ARMH1: variants seen among roughly 807,000 people sequenced by gnomAD.
The protein encoded by ARMH1 is armadillo-like helical domain containing protein 1.
A neutral mutation model predicts 50.2 loss-of-function variants in ARMH1; 34 were observed. That is an observed-to-expected ratio of 0.68 (90% CI 0.51 to 0.90). The LOEUF (loss-of-function observed/expected upper bound fraction) is 0.90, where lower values mean the gene tolerates loss of function less well. Ranked by LOEUF, ARMH1 falls within the 40% of genes least tolerant of loss-of-function variation. The probability of loss-of-function intolerance (pLI) is 0.00; values close to 1 mark genes in which losing one functional copy is unlikely to be tolerated. For synonymous variants in ARMH1, 221 were observed against 224.2 expected (o/e 0.99, Z 0.13); for missense variants, 538 against 553.9 (o/e 0.97, Z 0.29).
intron 1 of ARMH1, among the ~76,000 whole-genome samples, chr1:44,689,475 G>T (rs984776757): frequency 1.1e-4 from 16 of 152,156 alleles, no homozygotes; most frequent in African/African-American, 3.9e-4. Context: ...TTAGCACACT[G>T]ATATTCTTAA....
At chr1:44,709,516 C>T (rs1203570689) in intron 6 of ARMH1, among the ~76,000 whole-genome samples, 1 of 151,972 alleles carries the variant, frequency 6.6e-6, no homozygotes, top group African/African-American at 2.4e-5. Flanking sequence ...ACTAAAAATA[C>T]AAAAAATTAG....
intron 1 of ARMH1, among the ~76,000 whole-genome samples, chr1:44,685,829 T>C (rs1476093064): frequency 6.6e-6 from 1 of 152,098 alleles, no homozygotes; most frequent in African/African-American, 2.4e-5. Context: ...GGTTTCACCA[T>C]GTTGGCCAGG....
chr1:44,725,193 G>GTTA lies in ARMH1; in HGVS notation c.1186_1187insTTA (p.Ala396delinsValThr). 1 of 1,552,022 alleles carries GTTA rather than the reference G, an allele frequency of 6.4e-7. No homozygotes were observed. The highest frequency in any genetic ancestry group is 8.7e-7 in the Non-Finnish European group (1 of 1,147,044). The stretch of plus-strand genomic sequence containing the variant: ...CAGCATTCAGGCGGACATCTTGGCG[G>GTTA]CCAACACAGTCAATGTTACCAAAGG... On this transcript the variant is annotated protein_altering_variant, in exon 11 of 12. Coordinates refer to ENST00000535358, the MANE Select transcript of ARMH1 (RefSeq NM_001145636.2).
At chr1:44,697,217 G>A (rs769815915) in intron 3 of ARMH1, 47 bp downstream of exon 3, 15 of 1,431,736 alleles carry the variant, frequency 1.0e-5, no homozygotes, top group African/African-American at 1.4e-5. Context: ...TGGCATCTCA[G>A]GCTCATGATG....
chr1:44,721,742 T>A (rs540935659), intron 6 of ARMH1: 1 of 151,986 alleles, frequency 6.6e-6, no homozygotes, highest in African/African-American at 2.4e-5. Context: ...TCCCAAAGCA[T>A]GAAACACCCC....
chr1:44,723,763 T>C (rs1647765086), intron 6 of ARMH1: 1 of 206,888 alleles, frequency 4.8e-6, no homozygotes, highest in Non-Finnish European at 9.6e-6. Flanking sequence ...TCTGTCTCCC[T>C]CTCACCCCTT....
At chr1:44,686,201 A>G (rs1449063490) in intron 1 of ARMH1, among the ~76,000 whole-genome samples, 1 of 152,234 alleles carries the variant, frequency 6.6e-6, no homozygotes, top group African/African-American at 2.4e-5. Context: ...TTAATCAGTT[A>G]CAGATTGAAC....
chr1:44,706,173 T>G (rs550666921), intron 6 of ARMH1, among the ~76,000 whole-genome samples: 2 of 152,328 alleles, frequency 1.3e-5, no homozygotes, highest in Admixed American at 6.5e-5. Context: ...GGTGGTGCTA[T>G]GCCAGGTGGG....
Position 44,725,510 on chromosome 1 carries a change from G to A in ARMH1, c.*107G>A. The stretch of plus-strand genomic sequence containing the variant: ...GAGCCACTCCACTTGGCTCCAGGGG[G>A]GAGACGGGGATTAGGCATCCCAGAG... On this transcript the variant is annotated 3_prime_UTR_variant, in exon 12 of 12. Transcript: ENST00000535358. The A allele has an allele frequency of 8.8e-7, 1 of 1,131,820 alleles. No individual in the cohort carries two copies. The highest frequency in any genetic ancestry group is 1.4e-5 in the South Asian group (1 of 71,268). 70.1% of individuals were successfully genotyped at this position (1,131,820 alleles called of 1,614,324 possible).
At chr1:44,706,971 C>T (rs576287239) in intron 6 of ARMH1, among the ~76,000 whole-genome samples, 10 of 152,154 alleles carry the variant, frequency 6.6e-5, no homozygotes, top group Non-Finnish European at 1.0e-4. Context: ...TTGCCCACTC[C>T]TCCTCATCCG....
chr1:44,680,575 A>C (rs922909132), intron 1 of ARMH1, among the ~76,000 whole-genome samples: 1 of 152,220 alleles, frequency 6.6e-6, no homozygotes, highest in African/African-American at 2.4e-5. Flanking sequence ...AGCAAGTAGG[A>C]AGGGTAGAAG....
At chr1:44,698,279 T>C (rs1243332340) in intron 4 of ARMH1, 50 bp downstream of exon 4, 1 of 1,476,046 alleles carries the variant, frequency 6.8e-7, no homozygotes, top group African/African-American at 1.4e-5. Flanking sequence ...CTGAATGACA[T>C]GGTGGCAGAA....
At chr1:44,678,896 GC>G (rs1476141661) in intron 1 of ARMH1, among the ~76,000 whole-genome samples, 1 of 152,206 alleles carries the variant, frequency 6.6e-6, no homozygotes, top group African/African-American at 2.4e-5. Context: ...AGGACCTTTG[GC>G]TTAGCATGAG....
chr1:44,700,451 A>G (rs1163417596), intron 4 of ARMH1, among the ~76,000 whole-genome samples: 1 of 151,992 alleles, frequency 6.6e-6, no homozygotes, highest in Non-Finnish European at 1.5e-5. Flanking sequence ...CCCTGTCTCT[A>G]TTAAAAATAC....
intron 6 of ARMH1, among the ~76,000 whole-genome samples, chr1:44,706,771 G>A (rs1216902576): frequency 1.3e-5 from 2 of 152,162 alleles, no homozygotes; most frequent in African/African-American, 2.4e-5. Context: ...GGAGTTGCCA[G>A]TGAAGGGGTA....
intron 1 of ARMH1, among the ~76,000 whole-genome samples, chr1:44,679,494 A>C (rs148449015): frequency 3.3e-5 from 5 of 152,362 alleles, no homozygotes; most frequent in Admixed American, 2.6e-4. Flanking sequence ...TTTCAAAAAA[A>C]ATTTCTCCCC....
intron 3 of ARMH1, 54 bp from the exon 4 acceptor site, chr1:44,698,009 G>C (rs752260151): frequency 2.4e-5 from 34 of 1,446,214 alleles, no homozygotes; most frequent in Non-Finnish European, 3.2e-5. Context: ...TGAAAGCTCA[G>C]TGCAAAGGAA....
chr1:44,722,168 C>G (rs1277073405), intron 6 of ARMH1, among the ~76,000 whole-genome samples: 5 of 152,204 alleles, frequency 3.3e-5, no homozygotes, highest in African/African-American at 4.8e-5. Context: ...TAAACCCTCT[C>G]TCTCTTACCA....
Position 44,724,851 on chromosome 1 carries a change from C to G in ARMH1, c.1128+12C>G. The G allele has an allele frequency of 1.3e-6, 2 of 1,523,174 alleles. No homozygotes were observed. The highest frequency in any genetic ancestry group is 1.8e-6 in the Non-Finnish European group (2 of 1,138,374). The allele number at this position is 1,523,174 out of a possible 1,614,324, so 94.4% of individuals were successfully genotyped here. ...ACCAGCTCTTCCTGGTAAGTGCGCC[C>G]TTCCTGCCCCGCCGCAATGAGCAGA... On this transcript the variant is annotated intron_variant, in intron 10 of 11. Transcript: ENST00000535358. This position sits in a 1 kb window ranked among gnomAD's most constrained non-coding sequence, Gnocchi z 6.4.
Sources: allele counts gnomAD v4.1 joint callset (sites outside exome capture counted in the v4.1 genomes callset), GRCh38; gene constraint gnomAD v4.1.1; non-coding constraint Gnocchi (gnomAD v3.1); transcripts MANE v1.5; gene names NCBI Gene and HGNC (gene_info 2026-07-23, HGNC 2026-07-21).